Variants in DNAAF6 observed in about 807,000 individuals in gnomAD.
DNAAF6 encodes the protein PIH1 domain containing 3.
Under a neutral mutation model 13.7 loss-of-function variants are expected in DNAAF6, and 3 were observed. The observed-to-expected ratio is 0.22, with a 90% CI of 0.10 to 0.56. DNAAF6 has a LOEUF of 0.56. Ranked by LOEUF, DNAAF6 falls within the 20% of genes least tolerant of loss-of-function variation. The pLI is 0.92. For missense variants in DNAAF6, 130 were observed against 151.0 expected, an observed-to-expected ratio of 0.86 and a Z score of 0.73; for synonymous variants, 54 against 49.2, an observed-to-expected ratio of 1.10 and a Z score of -0.41.
intron 5 of DNAAF6, among the ~76,000 whole-genome samples, chrX:107,228,192 A>C (rs997311994): frequency 2.3e-4 from 26 of 111,995 alleles, no homozygotes; most frequent in African/African-American, 8.1e-4. Flanking sequence ...GCTGCTGTCA[A>C]GCAGGATTAG....
intron 5 of DNAAF6, among the ~76,000 whole-genome samples, chrX:107,237,115 T>C (rs753961323): frequency 2.9e-4 from 33 of 112,585 alleles, no homozygotes; most frequent in Non-Finnish European, 4.5e-4. Context: ...TCTTTGTTTA[T>C]ATACAGATTT....
chrX:107,217,258 C>A (rs898641385), intron 3 of DNAAF6, among the ~76,000 whole-genome samples: 4 of 111,530 alleles, frequency 3.6e-5, no homozygotes, highest in African/African-American at 1.3e-4. Context: ...GTGGTTAGAT[C>A]ATTTTTTATT....
intron 5 of DNAAF6, among the ~76,000 whole-genome samples, chrX:107,226,086 T>C (rs996309458): frequency 8.9e-6 from 1 of 112,037 alleles, no homozygotes; most frequent in African/African-American, 3.2e-5. Flanking sequence ...CTTAGGAGAA[T>C]GGCTGAGGCT....
At chrX:107,206,780 T>C (rs1927711342) in intron 1 of DNAAF6, 90 bp downstream of exon 1, 1 of 110,736 alleles carries the variant, frequency 9.0e-6, no homozygotes, top group African/African-American at 3.3e-5. Context: ...TAGATATTTA[T>C]AACTCTGCGA....
At chrX:107,211,140 T>A (rs980178812) in intron 1 of DNAAF6, among the ~76,000 whole-genome samples, 2 of 112,327 alleles carry the variant, frequency 1.8e-5, no homozygotes, top group Middle Eastern at 4.7e-3. Context: ...AATAAGTTAT[T>A]CTAAATATGT....
intron 5 of DNAAF6, among the ~76,000 whole-genome samples, chrX:107,229,073 G>A (rs1928319148): frequency 9.5e-6 from 1 of 105,163 alleles, no homozygotes; most frequent in Non-Finnish European, 1.9e-5. Flanking sequence ...GATAAAGAGG[G>A]ATTGAAGATA....
intron 5 of DNAAF6, among the ~76,000 whole-genome samples, chrX:107,226,129 A>T (rs1418699174): frequency 1.8e-5 from 2 of 112,014 alleles, no homozygotes; most frequent in East Asian, 5.6e-4. Context: ...TGCTGATCTA[A>T]TTTCTCATCC....
At chrX:107,227,764 G>A (rs1372363244) in intron 5 of DNAAF6, among the ~76,000 whole-genome samples, 1 of 110,877 alleles carries the variant, frequency 9.0e-6, no homozygotes, top group Non-Finnish European at 1.9e-5. Context: ...TAATCATATA[G>A]ACAGTATATT....
chrX:107,216,818 G>A, intron 3 of DNAAF6, 75 bp downstream of exon 3: 4 of 650,045 alleles, frequency 6.2e-6, no homozygotes, highest in Non-Finnish European at 6.8e-6. Flanking sequence ...AGAGTAATAA[G>A]TACTAATACT....
At chrX:107,222,875 C>T (rs1602683045) in intron 5 of DNAAF6, 34 bp downstream of exon 5, 1 of 1,179,673 alleles carries the variant, frequency 8.5e-7, no homozygotes, top group East Asian at 3.0e-5. Context: ...ATTTTCTATA[C>T]AACCATTGTA....
chrX:107,234,297 G>A (rs189337751), intron 5 of DNAAF6, among the ~76,000 whole-genome samples: 52 of 112,182 alleles, frequency 4.6e-4, no homozygotes, highest in African/African-American at 1.6e-3. Flanking sequence ...TCCTTCAGAG[G>A]TAAATATTTT....
In DNAAF6 at chrX:107,220,951, CTTTCTT is replaced by C. The variant is rs1318636684; in HGVS notation, c.333-1786_333-1781del. ...TCTTTCTTTCTTTCTTTCTTTCTTTCTTTCTTTTTCTTTCTTTCTTTCTTTCTTCCT... is the reference window on the plus strand; with the variant it reads ...TCTTTCTTTCTTTCTTTCTTTCTTTCTTTCTTTCTTTCTTTCTTTCTTCCT... On this transcript the variant is annotated intron_variant, in intron 4 of 6. Coordinates refer to ENST00000372453, the MANE Select transcript of DNAAF6 (RefSeq NM_173494.2). 4.9e-3 allele frequency among the ~76,000 whole-genome samples: 270 copies of C among 55,627 alleles called. 1 individual carries two copies. The highest frequency in any genetic ancestry group is 0.016 in the African/African-American group (248 of 15,656). The allele number at this position is 55,627 out of a possible 115,157, so 48.3% of individuals were successfully genotyped here.
intron 5 of DNAAF6, among the ~76,000 whole-genome samples, chrX:107,225,943 G>T (rs1928246297): frequency 8.9e-6 from 1 of 111,845 alleles, no homozygotes; most frequent in South Asian, 3.7e-4. Flanking sequence ...GTGGTTTACA[G>T]GTTTGTTTTG....
intron 5 of DNAAF6, among the ~76,000 whole-genome samples, chrX:107,224,249 A>G (rs1287227398): frequency 8.9e-6 from 1 of 111,916 alleles, no homozygotes; most frequent in Non-Finnish European, 1.9e-5. Flanking sequence ...GTAAACAATT[A>G]TAAGTCGAAT....
At chrX:107,233,111 A>G (rs1279693004) in intron 5 of DNAAF6, among the ~76,000 whole-genome samples, 1 of 111,770 alleles carries the variant, frequency 8.9e-6, no homozygotes, top group Non-Finnish European at 1.9e-5. Context: ...AGAAATATCA[A>G]TAAAGAACAA....
intron 5 of DNAAF6, among the ~76,000 whole-genome samples, chrX:107,226,807 G>T (rs1016540656): frequency 9.0e-6 from 1 of 111,158 alleles, no homozygotes. Flanking sequence ...CAAGAAACAA[G>T]CCACTAAGCC....
At position 107,212,927 on chromosome X, in the gene DNAAF6, T is replaced by C; in HGVS notation, c.52T>C (p.Ser18Pro). Reference sequence around the variant, plus strand: ...AAATATGAAGACAGAAAATATGGAATCTCAAAATGTAGACTTTGAGAGTGT... The same window carrying C: ...AAATATGAAGACAGAAAATATGGAACCTCAAAATGTAGACTTTGAGAGTGT... ...SENMKTENME[S>P]QNVDFESVSS... is the part of the protein sequence containing the mutation. The change falls in exon 2 of 7, where the codon TCT (serine) becomes CCT (proline). Residue 18 changes from serine (S) to proline (P), a missense_variant. Transcript: ENST00000372453. 4 of 1,204,748 alleles carry C rather than the reference T, an allele frequency of 3.3e-6. No individual in the cohort carries two copies. Among genetic ancestry groups the C allele is most frequent in the Non-Finnish European group, 4.5e-6 (4 of 892,672 alleles).
Position 107,206,706 on chromosome X carries a change from C to G in DNAAF6, c.-4+16C>G, listed in dbSNP as rs1179536333. The G allele has an allele frequency of 9.0e-6, 1 of 111,088 alleles. No individual in the cohort carries two copies. The highest frequency in any genetic ancestry group is 1.9e-5 in the Non-Finnish European group (1 of 53,027). The allele number at this position is 111,088 out of a possible 1,213,427, so 9.2% of individuals were successfully genotyped here. A position where few individuals can be genotyped will look rare whatever the true frequency, so the allele number is the denominator to read the frequency against. On this transcript the variant is annotated intron_variant, in intron 1 of 6. Coordinates refer to ENST00000372453, the MANE Select transcript of DNAAF6 (RefSeq NM_173494.2). ...ACTGACCAAGGTGAGGAAACTCGAA[C>G]CTCAAGACGGGGAAAGACAGGGTCC...
intron 5 of DNAAF6, among the ~76,000 whole-genome samples, 169 bp downstream of exon 5, chrX:107,223,010 T>C (rs1166200715): frequency 8.9e-6 from 1 of 112,230 alleles, no homozygotes; most frequent in Non-Finnish European, 1.9e-5. Context: ...ATTGTTAACT[T>C]GTACAAAATA....
Sources: gnomAD v4.1 joint callset for allele counts (sites outside exome capture counted in the v4.1 genomes callset) on GRCh38, gnomAD v4.1.1 for gene constraint, MANE v1.5 for transcripts, NCBI Gene and HGNC (gene_info 2026-07-23, HGNC 2026-07-21) for gene names.